Variants in ARHGAP10 observed in about 807,000 individuals in gnomAD.
ARHGAP10 encodes the protein rho GTPase-activating protein 10.
A neutral mutation model predicts 108.6 loss-of-function variants in ARHGAP10; 87 were observed. That is an observed-to-expected ratio of 0.80 (90% CI 0.67 to 0.96). The LOEUF is 0.96. Ranked by LOEUF, ARHGAP10 falls within the 40% of genes least tolerant of loss-of-function variation. The pLI, the probability that ARHGAP10 is intolerant of heterozygous loss-of-function variation, is 0.00. For missense variants in ARHGAP10, 939 were observed against 954.5 expected (o/e 0.98, Z 0.21); for synonymous variants, 347 against 341.1 (o/e 1.02, Z -0.19).
chr4:147,738,119 G>C (rs1454118296), intron 1 of ARHGAP10, among the ~76,000 whole-genome samples: 1 of 151,548 alleles, frequency 6.6e-6, no homozygotes, highest in Non-Finnish European at 1.5e-5. Flanking sequence ...AATAGCTGAT[G>C]GAATATAATA....
chr4:148,017,889 G>T (rs1367769109), intron 18 of ARHGAP10, among the ~76,000 whole-genome samples: 1 of 151,958 alleles, frequency 6.6e-6, no homozygotes, highest in Non-Finnish European at 1.5e-5. Flanking sequence ...TCCACATGTG[G>T]TCCCTGGTAA....
At chr4:147,965,572 G>A (rs1739174407) in intron 17 of ARHGAP10, among the ~76,000 whole-genome samples, 1 of 152,116 alleles carries the variant, frequency 6.6e-6, no homozygotes, top group Non-Finnish European at 1.5e-5. Flanking sequence ...GGAGAAATTA[G>A]CCCTTTCTTT....
chr4:148,043,324 AC>A (rs1430185137), intron 19 of ARHGAP10, among the ~76,000 whole-genome samples: 3 of 151,906 alleles, frequency 2.0e-5, no homozygotes, highest in Non-Finnish European at 4.4e-5. Context: ...CACTGGAACA[AC>A]CTTTTTACCC....
intron 10 of ARHGAP10, among the ~76,000 whole-genome samples, chr4:147,888,190 C>T (rs928683587): frequency 3.9e-5 from 6 of 152,184 alleles, no homozygotes; most frequent in Admixed American, 1.3e-4. Flanking sequence ...TAGATGTTTT[C>T]GCTCTTCACT....
chr4:147,919,207 CAT>C (rs1461353496), intron 13 of ARHGAP10, among the ~76,000 whole-genome samples: 3 of 152,168 alleles, frequency 2.0e-5, no homozygotes, highest in South Asian at 2.1e-4. Context: ...TAGTGTATAA[CAT>C]ATCTTAAATA....
chr4:147,998,389 A>C (rs1028200464), intron 18 of ARHGAP10, among the ~76,000 whole-genome samples: 5 of 152,222 alleles, frequency 3.3e-5, no homozygotes, highest in African/African-American at 1.2e-4. Flanking sequence ...AGAGTCAGAT[A>C]TTTTCACTGC....
At chr4:148,000,920 C>T (rs945700529) in intron 18 of ARHGAP10, among the ~76,000 whole-genome samples, 11 of 152,164 alleles carry the variant, frequency 7.2e-5, no homozygotes, top group African/African-American at 2.7e-4. Flanking sequence ...TGCAGAAGCT[C>T]TTTAGTTTAA....
intron 1 of ARHGAP10, among the ~76,000 whole-genome samples, chr4:147,793,321 T>TA (rs59470864): frequency 0.23 from 5,696 of 24,942 alleles, 153 homozygotes; most frequent in South Asian, 0.48. Flanking sequence ...TATATATATA[T>TA]TTTTTTTTTT....
chr4:147,894,377 A>G (rs1437810377), intron 10 of ARHGAP10, among the ~76,000 whole-genome samples: 2 of 152,192 alleles, frequency 1.3e-5, no homozygotes, highest in Admixed American at 1.3e-4. Flanking sequence ...AGTGTCTATT[A>G]AAATCTCCTG....
chr4:147,897,995 A>C (rs899528621), intron 10 of ARHGAP10, among the ~76,000 whole-genome samples: 5 of 151,998 alleles, frequency 3.3e-5, no homozygotes, highest in African/African-American at 1.2e-4. Context: ...CTGGGACTAC[A>C]GGCGCCTGCC....
At chr4:147,769,006 G>A (rs575925463) in intron 1 of ARHGAP10, among the ~76,000 whole-genome samples, 1 of 152,130 alleles carries the variant, frequency 6.6e-6, no homozygotes, top group East Asian at 1.9e-4. Context: ...CCAAAGTGCT[G>A]GGATTACAGG....
chr4:147,821,617 G>A (rs1246483860), intron 1 of ARHGAP10, among the ~76,000 whole-genome samples: 1 of 152,182 alleles, frequency 6.6e-6, no homozygotes, highest in Non-Finnish European at 1.5e-5. Context: ...GGCTGTGCAC[G>A]TGGTGGAGCA....
At chr4:147,888,122 T>C (rs1205260431) in intron 10 of ARHGAP10, among the ~76,000 whole-genome samples, 1 of 152,194 alleles carries the variant, frequency 6.6e-6, no homozygotes, top group Non-Finnish European at 1.5e-5. Context: ...TCTTCACTTT[T>C]TGTACTTCTT....
intron 7 of ARHGAP10, among the ~76,000 whole-genome samples, chr4:147,872,551 C>T (rs1439310754): frequency 6.6e-6 from 1 of 152,192 alleles, no homozygotes. Flanking sequence ...TGGATGTCTG[C>T]GTGTAACTTT....
intron 1 of ARHGAP10, among the ~76,000 whole-genome samples, chr4:147,787,617 A>G (rs1378934523): frequency 1.3e-5 from 2 of 152,154 alleles, no homozygotes; most frequent in African/African-American, 4.8e-5. Flanking sequence ...GAAAAACCTC[A>G]TTTTGGTCTC....
chr4:148,000,754 G>C (rs186941678), intron 18 of ARHGAP10, among the ~76,000 whole-genome samples: 2 of 152,090 alleles, frequency 1.3e-5, no homozygotes, highest in Admixed American at 6.5e-5. Context: ...CGTATCCTTC[G>C]CCCGCTTTGT....
chr4:148,037,082 CTT>C (rs1262862362), intron 19 of ARHGAP10, among the ~76,000 whole-genome samples: 1 of 152,158 alleles, frequency 6.6e-6, no homozygotes, highest in Admixed American at 6.6e-5. Flanking sequence ...CTTATGGTAA[CTT>C]TGGGGATCTG....
chr4:148,064,145 C>T (rs539771348), intron 21 of ARHGAP10, among the ~76,000 whole-genome samples: 5 of 152,300 alleles, frequency 3.3e-5, no homozygotes, highest in African/African-American at 1.2e-4. Context: ...AAGGGCATCC[C>T]ACCAGGTAGG....
chr4:147,833,857 A>G (rs974825525), intron 3 of ARHGAP10, among the ~76,000 whole-genome samples: 4 of 152,166 alleles, frequency 2.6e-5, no homozygotes, highest in East Asian at 1.9e-4. Flanking sequence ...GAAAATGCCA[A>G]TGTAGTGGGA....
Sources: gnomAD v4.1 joint callset for allele counts (sites outside exome capture counted in the v4.1 genomes callset) on GRCh38, gnomAD v4.1.1 for gene constraint, MANE v1.5 for transcripts, NCBI Gene and HGNC (gene_info 2026-07-23, HGNC 2026-07-21) for gene names.